The following UBE4B variants were observed in gnomAD, a reference collection of about 807,000 sequenced individuals.
UBE4B encodes the protein ubiquitination factor E4B.
UBE4B carries 27 observed loss-of-function variants against 148.1 expected under a neutral mutation model. That is an observed-to-expected ratio of 0.18 (90% CI 0.13 to 0.25). The LOEUF (loss-of-function observed/expected upper bound fraction) is 0.25, where lower values mean the gene tolerates loss of function less well. UBE4B is among the 10% of genes least tolerant of loss of function. The pLI, the probability that UBE4B is intolerant of heterozygous loss-of-function variation, is 1.00. For synonymous variants in UBE4B, 596 were observed against 619.3 expected (o/e 0.96, Z 0.56); for missense variants, 1,170 against 1,662.4 (o/e 0.70, Z 5.15).
intron 2 of UBE4B, among the ~76,000 whole-genome samples, chr1:10,073,881 C>G (rs1239746346): frequency 6.6e-6 from 1 of 150,848 alleles, no homozygotes; most frequent in African/African-American, 2.4e-5. Flanking sequence ...CATGCTCACT[C>G]TCTCAGCTAG....
At chr1:10,112,417 T>A (rs1645236494) in intron 7 of UBE4B, among the ~76,000 whole-genome samples, 1 of 152,250 alleles carries the variant, frequency 6.6e-6, no homozygotes, top group Admixed American at 6.5e-5. Flanking sequence ...TTGTCTTGTT[T>A]TAGACGGAGT....
intron 5 of UBE4B, 24 bp downstream of exon 5, chr1:10,103,116 T>C: frequency 6.4e-7 from 1 of 1,570,874 alleles, no homozygotes; most frequent in Non-Finnish European, 8.7e-7. Context: ...TCAGCAGTCT[T>C]ACTGCAGAGT....
In UBE4B at chr1:10,078,014, G is replaced by GT. The variant is rs760664556; in HGVS notation, c.211+5813dup. Reference sequence around the variant, plus strand: ...TTTATAGTTAACACTGATTATGCTAGTTTTTTTTTTTTTGAGACGGAGTCT... The same window carrying GT: ...TTTATAGTTAACACTGATTATGCTAGTTTTTTTTTTTTTTGAGACGGAGTCT... On this transcript the variant is annotated intron_variant, in intron 2 of 27. Transcript: ENST00000343090. Among the ~76,000 whole-genome samples, 453 of 144,768 alleles carry GT rather than the reference G, an allele frequency of 3.1e-3. 1 individual carries two copies. The highest frequency in any genetic ancestry group is 0.014 in the Middle Eastern group (4 of 284). 95.0% of individuals were successfully genotyped at this position (144,768 alleles called of 152,430 possible). A position where few individuals can be genotyped will look rare whatever the true frequency, so the allele number is the denominator to read the frequency against.
At position 10,062,710 on chromosome 1, in the gene UBE4B, A is replaced by C. The variant is rs993579201; in HGVS notation, c.25-9318A>C. On this transcript the variant is annotated intron_variant, in intron 1 of 27. Transcript: ENST00000343090. ...GGTGGCTCACGCCTGTAATCCCAGCATTTTGGGTGAGTGAGGCAAGTGGAT... is the reference window on the plus strand; with the variant it reads ...GGTGGCTCACGCCTGTAATCCCAGCCTTTTGGGTGAGTGAGGCAAGTGGAT... 2.6e-5 allele frequency among the ~76,000 whole-genome samples: 4 copies of C among 152,194 alleles called. No individual in the cohort carries two copies. The South Asian group carries it at 8.3e-4, about 31-fold the overall frequency.
intron 25 of UBE4B, among the ~76,000 whole-genome samples, chr1:10,175,265 A>G (rs906346932): frequency 6.6e-6 from 1 of 152,188 alleles, no homozygotes; most frequent in Non-Finnish European, 1.5e-5. Flanking sequence ...CGCCAGTTCC[A>G]TGGACAGACT....
chr1:10,058,110 G>A (rs922097957), intron 1 of UBE4B, among the ~76,000 whole-genome samples: 1 of 152,182 alleles, frequency 6.6e-6, no homozygotes, highest in Admixed American at 6.5e-5. Context: ...TAGAGGTGAC[G>A]TGTTTGAGCT....
chr1:10,131,268 G>A (rs1570947633), intron 14 of UBE4B, among the ~76,000 whole-genome samples: 1 of 151,750 alleles, frequency 6.6e-6, no homozygotes, highest in South Asian at 2.1e-4. Flanking sequence ...CCTGAGGTCA[G>A]GAGTTTGAGA....
chr1:10,109,484 C>A (rs1287202718), intron 7 of UBE4B, among the ~76,000 whole-genome samples: 2 of 152,100 alleles, frequency 1.3e-5, no homozygotes, highest in African/African-American at 4.8e-5. Context: ...TTGGCCGTTA[C>A]AGTGAACTGT....
intron 1 of UBE4B, among the ~76,000 whole-genome samples, chr1:10,061,514 G>A (rs1486309363): frequency 6.6e-6 from 1 of 152,118 alleles, no homozygotes; most frequent in Non-Finnish European, 1.5e-5. Context: ...GCTTCCCAAA[G>A]TGCTGGTATT....
chr1:10,162,453 G>A (rs993056838), intron 23 of UBE4B, among the ~76,000 whole-genome samples: 3 of 152,016 alleles, frequency 2.0e-5, no homozygotes, highest in South Asian at 2.1e-4. Context: ...GATTACAGGC[G>A]TGAGCCATTG....
At chr1:10,147,469 G>A (rs539953213) in intron 19 of UBE4B, among the ~76,000 whole-genome samples, 4 of 152,134 alleles carry the variant, frequency 2.6e-5, no homozygotes, top group African/African-American at 9.6e-5. Context: ...CTCCAGCCTG[G>A]GCGACAGAGC....
At chr1:10,139,820 C>T (rs954353153) in intron 17 of UBE4B, among the ~76,000 whole-genome samples, 1 of 152,176 alleles carries the variant, frequency 6.6e-6, no homozygotes, top group Non-Finnish European at 1.5e-5. Flanking sequence ...CCTCTGCCTC[C>T]CAGGTTCAAG....
chr1:10,041,277 C>T (rs980429367), intron 1 of UBE4B, among the ~76,000 whole-genome samples: 2 of 141,282 alleles, frequency 1.4e-5, no homozygotes, highest in Non-Finnish European at 3.0e-5. Flanking sequence ...AGTTTTCTAT[C>T]GCTTTACTAC....
chr1:10,157,731 C>A (rs568015274), intron 21 of UBE4B, among the ~76,000 whole-genome samples: 1 of 152,078 alleles, frequency 6.6e-6, no homozygotes, highest in Admixed American at 6.6e-5. Context: ...GAGCTGAGAT[C>A]GTGCTACTGC....
chr1:10,111,410 A>G (rs764539041), intron 7 of UBE4B, among the ~76,000 whole-genome samples: 1 of 151,788 alleles, frequency 6.6e-6, no homozygotes, highest in Non-Finnish European at 1.5e-5. Flanking sequence ...CACTCTCCCC[A>G]CTAGACAGCT....
rs1422694975 is a variant in UBE4B at position 10,038,235 on chromosome 1, A to ACAC, written c.24+4545_24+4547dup. 7.3e-5 allele frequency among the ~76,000 whole-genome samples: 11 copies of ACAC among 150,866 alleles called. No homozygotes were observed. The East Asian group carries it at 2.2e-3, about 30-fold the overall frequency. ...GCGGAGGTTGCAGTGGGCCGAGATCACACCACTACACTCCAGCCTGGGCAA... is the reference window on the plus strand; with the variant it reads ...GCGGAGGTTGCAGTGGGCCGAGATCACACCACCACTACACTCCAGCCTGGGCAA... On this transcript the variant is annotated intron_variant, in intron 1 of 27. Coordinates refer to ENST00000343090, the MANE Select transcript of UBE4B (RefSeq NM_001105562.3).
intron 21 of UBE4B, among the ~76,000 whole-genome samples, chr1:10,155,838 C>T (rs1646060583): frequency 6.6e-6 from 1 of 152,168 alleles, no homozygotes; most frequent in South Asian, 2.1e-4. Context: ...GCCTGGCCAA[C>T]ATGGCGAAAC....
chr1:10,120,312 G>A (rs1645389475), intron 9 of UBE4B, among the ~76,000 whole-genome samples: 1 of 152,164 alleles, frequency 6.6e-6, no homozygotes, highest in Non-Finnish European at 1.5e-5. Flanking sequence ...CCTGAGGTCA[G>A]GAGTTTGAGA....
intron 25 of UBE4B, among the ~76,000 whole-genome samples, chr1:10,175,654 T>A (rs7354817): frequency 0.58 from 87,211 of 150,688 alleles, 28,126 homozygotes; most frequent in African/African-American, 0.89. Context: ...CCGTCTCAAA[T>A]AAATAAATAA....
Sources: gnomAD v4.1 joint callset for allele counts (sites outside exome capture counted in the v4.1 genomes callset) on GRCh38, gnomAD v4.1.1 for gene constraint, MANE v1.5 for transcripts, NCBI Gene and HGNC (gene_info 2026-07-23, HGNC 2026-07-21) for gene names.